Variants in CDH23 observed in about 807,000 individuals in gnomAD.
CDH23 encodes the protein cadherin related 23.
In CDH23, 189 loss-of-function variants were observed where a neutral mutation model predicts 317.1. The ratio of observed to expected loss-of-function variants is 0.60; its 90% CI spans 0.53 to 0.67. The LOEUF (loss-of-function observed/expected upper bound fraction) is 0.67. Among genes scored for constraint, CDH23 ranks in the 30% least tolerant of loss-of-function variants. CDH23 has a pLI of 0.00. For missense variants in CDH23, 4,401 were observed against 4,592.4 expected (o/e 0.96, Z 1.20); for synonymous variants, 1,839 against 1,876.8 (o/e 0.98, Z 0.52).
intron 13 of CDH23, 136 bp from the exon 14 acceptor site, chr10:71,646,323 C>A: frequency 7.3e-7 from 1 of 1,367,502 alleles, no homozygotes; most frequent in Non-Finnish European, 1.0e-6. Flanking sequence ...CGCAGTAGCA[C>A]AGAGCTGGGA....
intron 52 of CDH23, 128 bp from the exon 53 acceptor site, chr10:71,800,508 G>C: frequency 8.8e-7 from 1 of 1,141,646 alleles, no homozygotes; most frequent in East Asian, 2.6e-5. Context: ...CTTGCTGGGG[G>C]CAGAGGTTAT....
rs1200671320 is a variant in CDH23, at chr10:71,760,240, T to C, written c.4846-17440T>C. Among the ~76,000 whole-genome samples, 74 of 35,668 alleles carry C rather than the reference T, an allele frequency of 2.1e-3. 23 individuals are homozygous for C. Among genetic ancestry groups the C allele is most frequent in the African/African-American group, 6.2e-3 (66 of 10,632 alleles). The allele number at this position is 35,668 out of a possible 152,430, so 23.4% of individuals were successfully genotyped here. ...ATATGTGTATATATATGTATATACA[T>C]ATATATGTATGTATATATATGTATA... On this transcript the variant is annotated intron_variant, in intron 38 of 69. Transcript: ENST00000224721.
chr10:71,560,699 C>A (rs762180793), intron 6 of CDH23, among the ~76,000 whole-genome samples: 1 of 152,026 alleles, frequency 6.6e-6, no homozygotes, highest in Admixed American at 6.5e-5. Flanking sequence ...CCACTAGCCC[C>A]TCTCCTCTCC....
chr10:71,707,869 G>A (rs1308176673), intron 26 of CDH23, among the ~76,000 whole-genome samples: 1 of 152,052 alleles, frequency 6.6e-6, no homozygotes, highest in East Asian at 1.9e-4. Context: ...CCTTCCCAAT[G>A]CCTCCCCATG....
At chr10:71,661,184 C>T (rs762705639) in intron 14 of CDH23, among the ~76,000 whole-genome samples, 19 of 152,128 alleles carry the variant, frequency 1.2e-4, no homozygotes, top group Non-Finnish European at 2.2e-4. Flanking sequence ...GAGAGCCTGG[C>T]GAATCTGTAG....
rs564063495 is a variant in CDH23, at chr10:71,778,339, G to T, written c.5187+31G>T. 1.9e-5 allele frequency: 30 copies of T among 1,613,012 alleles called. No individual in the cohort carries two copies. In the African/African-American group the frequency reaches 2.9e-4, roughly 16 times the overall value. On this transcript the variant is annotated intron_variant, in intron 40 of 69. Coordinates refer to ENST00000224721, the MANE Select transcript of CDH23 (RefSeq NM_022124.6). Reference sequence around the variant, plus strand: ...TGCATGGGACACAGCCCCAACTTGGGCTTGGAGGTTGGCGAAGGATGGGAC... The same window carrying T: ...TGCATGGGACACAGCCCCAACTTGGTCTTGGAGGTTGGCGAAGGATGGGAC...
At chr10:71,554,057 C>T (rs998121572) in intron 6 of CDH23, among the ~76,000 whole-genome samples, 3 of 152,252 alleles carry the variant, frequency 2.0e-5, no homozygotes, top group Admixed American at 1.3e-4. Context: ...AACCCTTACA[C>T]AGCCCCGTGA....
At chr10:71,645,033 C>T (rs1321965589) in intron 12 of CDH23, among the ~76,000 whole-genome samples, 1 of 152,238 alleles carries the variant, frequency 6.6e-6, no homozygotes, top group Non-Finnish European at 1.5e-5. Context: ...GATCTGGAGA[C>T]TTCAGTCACA....
chr10:71,701,263 C>T (rs1300453898), intron 22 of CDH23, among the ~76,000 whole-genome samples: 1 of 152,194 alleles, frequency 6.6e-6, no homozygotes, highest in Non-Finnish European at 1.5e-5. Context: ...GACGAGGGAG[C>T]TTCCCCACAG....
chr10:71,638,358 A>G (rs1862375026), intron 11 of CDH23, among the ~76,000 whole-genome samples: 1 of 152,222 alleles, frequency 6.6e-6, no homozygotes, highest in Admixed American at 6.5e-5. Flanking sequence ...GGTGTCACCA[A>G]TAGCAGGGCA....
intron 30 of CDH23, among the ~76,000 whole-genome samples, chr10:71,726,058 A>G (rs1424836327): frequency 6.6e-6 from 1 of 152,120 alleles, no homozygotes; most frequent in Non-Finnish European, 1.5e-5. Context: ...TGTGCAGCCA[A>G]AATCAAATCA....
In CDH23 at chr10:71,793,529, C is replaced by T; in HGVS notation, c.6601C>T (p.His2201Tyr). 3 of 1,613,832 alleles carry T rather than the reference C, an allele frequency of 1.9e-6. No homozygotes were observed. The highest frequency in any genetic ancestry group is 8.5e-7 in the Non-Finnish European group (1 of 1,179,880). ...CATTGCCAATATCACGGCCATTGAC[C>T]ACGACCTCAACCCAAAGCTAGAGTA... ...TVIANITAID[H>Y]DLNPKLEYHI... Residue 2201 changes from histidine (H) to tyrosine (Y), a missense_variant, in exon 48 of 70, where the codon CAC becomes TAC. Physicochemically the swap from His to Tyr is moderately conservative, Grantham distance 83. Around this residue, in one of 3 missense-constraint regions of CDH23, gnomAD observed 3,068 missense variants for 3,203.3 expected, o/e 0.96. Transcript: ENST00000224721.
intron 11 of CDH23, among the ~76,000 whole-genome samples, chr10:71,623,646 T>C (rs1020344821): frequency 6.6e-6 from 1 of 152,174 alleles, no homozygotes; most frequent in Non-Finnish European, 1.5e-5. Flanking sequence ...CCCGTGACCA[T>C]GCATTCCAGT....
intron 14 of CDH23, among the ~76,000 whole-genome samples, chr10:71,659,410 G>A (rs1256542483): frequency 6.6e-6 from 1 of 152,196 alleles, no homozygotes; most frequent in Non-Finnish European, 1.5e-5. Flanking sequence ...TAGAGCAGCA[G>A]GTGGGTAGGG....
intron 40 of CDH23, 133 bp downstream of exon 40, chr10:71,778,441 A>T: frequency 8.4e-7 from 1 of 1,196,960 alleles, no homozygotes; most frequent in Non-Finnish European, 1.2e-6. Flanking sequence ...CCCCTGTCCT[A>T]ATCTCAGCAA....
intron 6 of CDH23, among the ~76,000 whole-genome samples, chr10:71,517,550 C>T (rs896569788): frequency 4.6e-5 from 4 of 86,346 alleles, no homozygotes; most frequent in Admixed American, 1.9e-4. Context: ...CAGGTTGCAG[C>T]GAGAAGCTGG....
At chr10:71,611,106 G>A (rs1860859240) in intron 9 of CDH23, among the ~76,000 whole-genome samples, 2 of 150,984 alleles carry the variant, frequency 1.3e-5, no homozygotes, top group South Asian at 4.2e-4. Context: ...AAGAATGTCT[G>A]GGAGACCAGA....
intron 9 of CDH23, among the ~76,000 whole-genome samples, chr10:71,607,394 C>T (rs557516293): frequency 6.6e-5 from 10 of 152,232 alleles, no homozygotes; most frequent in Non-Finnish European, 1.3e-4. Flanking sequence ...TTTTTAACCT[C>T]GCTGTGCCTC....
At chr10:71,441,215 G>T (rs61853191) in intron 2 of CDH23, among the ~76,000 whole-genome samples, 7 of 152,032 alleles carry the variant, frequency 4.6e-5, no homozygotes, top group African/African-American at 7.2e-5. Context: ...CCTCCATGGG[G>T]GCTTCTGTCA....
Sources: gnomAD v4.1 joint callset for allele counts (sites outside exome capture counted in the v4.1 genomes callset) on GRCh38, gnomAD v4.1.1 for gene constraint, gnomAD v4.1.1 regional missense constraint, MANE v1.5 for transcripts, NCBI Gene and HGNC (gene_info 2026-07-23, HGNC 2026-07-21) for gene names.